LTBP3: variants seen among roughly 807,000 people sequenced by gnomAD.
The protein encoded by LTBP3 is latent transforming growth factor beta binding protein 3.
Under a neutral mutation model 159.7 loss-of-function variants are expected in LTBP3, and 97 were observed. The observed-to-expected ratio is 0.61, with a 90% confidence interval of 0.52 to 0.72. The LOEUF (loss-of-function observed/expected upper bound fraction) is 0.72. Ranked by LOEUF, LTBP3 falls within the 30% of genes least tolerant of loss-of-function variation. The probability of loss-of-function intolerance (pLI) is 0.00; values close to 1 mark genes in which losing one functional copy is unlikely to be tolerated. For synonymous variants in LTBP3, 824 were observed against 777.1 expected (o/e 1.06, Z -1.00); for missense variants, 1,584 against 1,864.3 (o/e 0.85, Z 2.77).
At position 65,547,512 on chromosome 11, in the gene LTBP3, G is replaced by A; in HGVS notation, c.2034C>T (p.Asn678=). Residue 678 remains asparagine, a synonymous_variant, in exon 14 of 28, where the codon AAC becomes AAT. Coordinates refer to ENST00000301873, the MANE Select transcript of LTBP3 (RefSeq NM_001130144.3). The surrounding 1 kb of genome is among the most constrained non-coding windows in gnomAD (Gnocchi z 4.6). ...HLCGDGGFCI[N]FPGHYKCNCY... is the part of the protein sequence containing the mutation. ...AGTTGCACTTGTAGTGACCGGGAAA[G>A]TTGATGCAGAAGCCGCCGTCGCCGC... 1 of 1,614,072 alleles carries A rather than the reference G, an allele frequency of 6.2e-7. No homozygotes were observed. Among genetic ancestry groups the A allele is most frequent in the African/African-American group, 1.3e-5 (1 of 75,038 alleles).
At position 65,539,635 on chromosome 11, in the gene LTBP3, G is replaced by C. The variant is rs1452339065; in HGVS notation, c.3548-7C>G. On this transcript the variant is annotated splice_polypyrimidine_tract_variant and splice_region_variant and intron_variant, in intron 25 of 27. Transcript: ENST00000301873. ...GATGTCGGGCAATGGGACCCTGGGA[G>C]GAGCAGAACTGGTCAGCGACGTCCG... 6.2e-7 allele frequency: 1 copy of C among 1,608,700 alleles called. No individual in the cohort carries two copies.
chr11:65,540,852 G>T lies in LTBP3; in HGVS notation c.2977+19C>A. The T allele has an allele frequency of 1.2e-6, 2 of 1,603,078 alleles. No individual in the cohort carries two copies. Among genetic ancestry groups the T allele is most frequent in the Non-Finnish European group, 8.5e-7 (1 of 1,174,912 alleles). ...CGGGGTGAGAGGGCGCGGGGCGGGC[G>T]GAGCCGCAGGGCGCTTACCACGGTG... On this transcript the variant is annotated intron_variant, in intron 21 of 27. Transcript: ENST00000301873.
chr11:65,553,841 C>T lies in LTBP3; in HGVS notation c.724G>A (p.Val242Met). ...VHHPPEASVQ[V>M]HRIESSNAES... ...GCGTTCGAGCTCTCAATGCGGTGCA[C>T]CTGGACTGAGGCCTCGGGCGGGTGA... The change falls in exon 3 of 28, where the codon GTG becomes ATG. Residue 242 changes from valine to methionine, a missense_variant. Val to Met is a conservative substitution (Grantham distance 21). This residue lies in a region of LTBP3 where 194 missense variants were observed against 198.7 expected (regional missense o/e 0.98). Coordinates refer to ENST00000301873, the MANE Select transcript of LTBP3 (RefSeq NM_001130144.3). The surrounding 1 kb of genome is among the most constrained non-coding windows in gnomAD (Gnocchi z 6.5). 1 of 1,562,222 alleles carries T rather than the reference C, an allele frequency of 6.4e-7. No homozygotes were observed. The highest frequency in any genetic ancestry group is 1.8e-5 in the Admixed American group (1 of 54,232).
In LTBP3 at chr11:65,539,619, C is replaced by T. The variant is rs1402775271; in HGVS notation, c.3557G>A (p.Cys1186Tyr). The part of the protein sequence containing the change: ...PCPPRGAGSH[C>Y]PTSQSESNSF... The stretch of plus-strand genomic sequence containing the variant: ...ATTGCTCTCGCTCTGCGATGTCGGG[C>T]AATGGGACCCTGGGAGGAGCAGAAC... Residue 1186 changes from cysteine to tyrosine, a missense_variant, in exon 26 of 28, where the codon TGC becomes TAC. Around this residue, in one of 6 missense-constraint regions of LTBP3, gnomAD observed 514 missense variants for 530.3 expected, o/e 0.97. Coordinates refer to ENST00000301873, the MANE Select transcript of LTBP3 (RefSeq NM_001130144.3). 6.2e-7 allele frequency: 1 copy of T among 1,610,852 alleles called. No homozygotes were observed. The highest frequency in any genetic ancestry group is 1.3e-5 in the African/African-American group (1 of 74,974).
chr11:65,552,268 C>T lies in LTBP3; in HGVS notation c.1325G>A (p.Arg442His), dbSNP rs959220350. 1.2e-6 allele frequency: 2 copies of T among 1,614,122 alleles called. No homozygotes were observed. The highest frequency in any genetic ancestry group is 1.7e-6 in the Non-Finnish European group (2 of 1,180,014). ...VGKAWGARCQRCPTDGTAAFK... is the reference protein window; with the variant it reads ...VGKAWGARCQHCPTDGTAAFK... Reference sequence around the variant, plus strand: ...CTCACCGGTGCCATCTGTTGGGCAGCGCTGACACCGCGCGCCCCAGGCCTT... The same window carrying T: ...CTCACCGGTGCCATCTGTTGGGCAGTGCTGACACCGCGCGCCCCAGGCCTT... Residue 442 changes from arginine (R) to histidine (H), a missense_variant, in exon 7 of 28, where the codon CGC becomes CAC. Physicochemically the swap from Arg to His is conservative, Grantham distance 29 (BLOSUM62 0). Transcript: ENST00000301873. The surrounding 1 kb of genome is among the most constrained non-coding windows in gnomAD (Gnocchi z 6.0).
Position 65,540,324 on chromosome 11 carries a change from G to C in LTBP3, c.3165C>G (p.Arg1055=), listed in dbSNP as rs1202004426. 5 of 1,575,870 alleles carry C rather than the reference G, an allele frequency of 3.2e-6. No individual in the cohort carries two copies. Among genetic ancestry groups the C allele is most frequent in the Admixed American group, 1.9e-5 (1 of 52,528 alleles). The part of the protein sequence containing the change: ...NCRNGVCENT[R]GGYRCACTPP... ...GCGTGCAGGCACAGCGGTAGCCGCCGCGCGTGTTCTCACACACTCCGTTCC... is the reference window on the plus strand; with the variant it reads ...GCGTGCAGGCACAGCGGTAGCCGCCCCGCGTGTTCTCACACACTCCGTTCC... The change falls in exon 23 of 28, where the codon CGC becomes CGG. Residue 1055 remains arginine (R), a synonymous_variant. Transcript: ENST00000301873.
In LTBP3 at chr11:65,557,717, C is replaced by T; in HGVS notation, c.243G>A (p.Arg81=). Residue 81 remains arginine, a synonymous_variant, in exon 1 of 28, where the codon CGG becomes CGA. Transcript: ENST00000301873. ...CKRTCLKGQC[R]DSCQQGSNMT... is the part of the protein sequence containing the mutation. ...TGTTGGAGCCCTGCTGACAACTGTC[C>T]CGACACTGGCCCTTGAGACAGGTCC... 1 of 1,609,440 alleles carries T rather than the reference C, an allele frequency of 6.2e-7. No individual in the cohort carries two copies. The highest frequency in any genetic ancestry group is 8.5e-7 in the Non-Finnish European group (1 of 1,179,874).
chr11:65,546,726 C>CCCCCCCCACCGG lies in LTBP3; in HGVS notation c.2230+71_2230+72insCCGGTGGGGGGG. The CCCCCCCCACCGG allele has an allele frequency of 1.3e-6, 2 of 1,520,488 alleles. No individual in the cohort carries two copies. Among genetic ancestry groups the CCCCCCCCACCGG allele is most frequent in the Non-Finnish European group, 1.8e-6 (2 of 1,126,558 alleles). The allele number at this position is 1,520,488 out of a possible 1,614,324, so 94.2% of individuals were successfully genotyped here. The stretch of plus-strand genomic sequence containing the variant: ...GCCAATCACCACCGCTACCCCGCCC[C>CCCCCCCCACCGG]GCCCCCAGCGGAGCCAGACTGGGGG... On this transcript the variant is annotated intron_variant, in intron 15 of 27. Coordinates refer to ENST00000301873, the MANE Select transcript of LTBP3 (RefSeq NM_001130144.3). The surrounding 1 kb of genome is among the most constrained non-coding windows in gnomAD (Gnocchi z 4.0).
In LTBP3 at chr11:65,538,902, C is replaced by T. The variant is rs905143765; in HGVS notation, c.*178G>A. 4 of 1,222,420 alleles carry T rather than the reference C, an allele frequency of 3.3e-6. No homozygotes were observed. Among genetic ancestry groups the T allele is most frequent in the African/African-American group, 3.2e-5 (2 of 62,636 alleles). 75.7% of individuals were successfully genotyped at this position (1,222,420 alleles called of 1,614,324 possible). A position where few individuals can be genotyped will look rare whatever the true frequency, so the allele number is the denominator to read the frequency against. On this transcript the variant is annotated 3_prime_UTR_variant, in exon 28 of 28. Transcript: ENST00000301873. ...CAGCGCCCGCCGGAGACCTTACAAC[C>T]GCCCGCTAACCGGGGAGGGGGGCCG...
At position 65,546,825 on chromosome 11, in the gene LTBP3, G is replaced by C. The variant is rs1262642765; in HGVS notation, c.2203C>G (p.Arg735Gly). 3 of 1,608,062 alleles carry C rather than the reference G, an allele frequency of 1.9e-6. No individual in the cohort carries two copies. Among genetic ancestry groups the C allele is most frequent in the Non-Finnish European group, 2.5e-6 (3 of 1,179,690 alleles). The change falls in exon 15 of 28, where the codon CGC (arginine) becomes GGC (glycine). Residue 735 changes from arginine (R) to glycine (G), a missense_variant. By Grantham distance (125) the Arg-to-Gly change is moderately radical. Transcript: ENST00000301873. This position sits in a 1 kb window ranked among gnomAD's most constrained non-coding sequence, Gnocchi z 4.0. Reference sequence around the variant, plus strand: ...CGACAGGCCCCGCCCCCCTGGCTGCGGTAGCCAGGCTGACAGGCGATGCAC... The same window carrying C: ...CGACAGGCCCCGCCCCCCTGGCTGCCGTAGCCAGGCTGACAGGCGATGCAC... ...FKCIACQPGY[R>G]SQGGGACRDV...
chr11:65,540,713 C>CTACAGGAGGGGCGGGGCA, intron 21 of LTBP3, 99 bp from the exon 22 acceptor site: 1 of 1,555,764 alleles, frequency 6.4e-7, no homozygotes, highest in Non-Finnish European at 8.8e-7. Context: ...CGGGCGGGGC[C>CTACAGGAGGGGCGGGGCA]TACAGGAGGG....
rs1360607532 is a variant in LTBP3, at chr11:65,539,473, A to G, written c.3629-14T>C. On this transcript the variant is annotated splice_polypyrimidine_tract_variant and intron_variant, in intron 26 of 27. Transcript: ENST00000301873. ...AACTGTCCTCATCTGCGTGGCCCGG[A>G]ACAATATGGACTTCAACACTGAGCC... is the stretch of plus-strand genomic sequence containing the variant. 6.3e-7 allele frequency: 1 copy of G among 1,578,298 alleles called. No individual in the cohort carries two copies. Among genetic ancestry groups the G allele is most frequent in the African/African-American group, 1.4e-5 (1 of 73,824 alleles).
Position 65,553,922 on chromosome 11 carries a change from G to A in LTBP3, c.662-19C>T. ...GCCTGCACTGGGGGCGGGCGCGGTG[G>A]CCTCAGGGCTGCCCGCACCGCGCCG... On this transcript the variant is annotated intron_variant, in intron 2 of 27. Transcript: ENST00000301873. The surrounding 1 kb of genome is among the most constrained non-coding windows in gnomAD (Gnocchi z 6.5). 1.3e-6 allele frequency: 2 copies of A among 1,514,090 alleles called. No homozygotes were observed. Among genetic ancestry groups the A allele is most frequent in the South Asian group, 1.2e-5 (1 of 82,940 alleles). The allele number at this position is 1,514,090 out of a possible 1,614,324, so 93.8% of individuals were successfully genotyped here.
At chr11:65,550,885 A>C (rs1856580535) in intron 11 of LTBP3, among the ~76,000 whole-genome samples, 3 of 152,200 alleles carry the variant, frequency 2.0e-5, no homozygotes. Context: ...ATTCTAAAAG[A>C]CCTGTAACAC....
rs1252981675 is a variant in LTBP3, at chr11:65,546,887, G to A, written c.2141C>T (p.Pro714Leu). 1.2e-6 allele frequency: 2 copies of A among 1,612,436 alleles called. No homozygotes were observed. Among genetic ancestry groups the A allele is most frequent in the South Asian group, 2.2e-5 (2 of 91,094 alleles). Residue 714 changes from proline to leucine, a missense_variant, in exon 15 of 28, where the codon CCG becomes CTG. By Grantham distance (98) the Pro-to-Leu change is moderately conservative (BLOSUM62 -3). Coordinates refer to ENST00000301873, the MANE Select transcript of LTBP3 (RefSeq NM_001130144.3). This position sits in a 1 kb window ranked among gnomAD's most constrained non-coding sequence, Gnocchi z 4.0. ...IDECRDPSSC[P>L]DGKCENKPGS... Reference sequence around the variant, plus strand: ...GGGCTTGTTCTCGCATTTGCCATCCGGGCAAGAGCTTGGGTCCCGGCACTC... The same window carrying A: ...GGGCTTGTTCTCGCATTTGCCATCCAGGCAAGAGCTTGGGTCCCGGCACTC...
intron 21 of LTBP3, 121 bp from the exon 22 acceptor site, chr11:65,540,735 A>AGGAGGGGCGGGGCCTACT: frequency 2.7e-6 from 4 of 1,474,354 alleles, no homozygotes; most frequent in African/African-American, 1.5e-5. Context: ...CGGGGCCTAC[A>AGGAGGGGCGGGGCCTACT]GGGCGGGGCC....
chr11:65,547,874 G>T lies in LTBP3; in HGVS notation c.1846+46C>A, dbSNP rs1554974247. 1.2e-6 allele frequency: 2 copies of T among 1,613,146 alleles called. No individual in the cohort carries two copies. The highest frequency in any genetic ancestry group is 2.2e-5 in the South Asian group (2 of 91,080). ...GTCAAAGGAAGCGTCGTTATCTGGG[G>T]TCCCCCCCCACCCACCTGCATGCCC... On this transcript the variant is annotated intron_variant, in intron 12 of 27. Transcript: ENST00000301873. The surrounding 1 kb of genome is among the most constrained non-coding windows in gnomAD (Gnocchi z 4.6).
chr11:65,552,938 A>C lies in LTBP3; in HGVS notation c.1108T>G (p.Cys370Gly), dbSNP rs1212641706. The change falls in exon 6 of 28, where the codon TGC becomes GGC. Residue 370 changes from cysteine (C) to glycine (G), a missense_variant. Cys to Gly is a radical substitution (Grantham distance 159). Transcript: ENST00000301873. This position sits in a 1 kb window ranked among gnomAD's most constrained non-coding sequence, Gnocchi z 6.0. ...AMPGVCRHGD[C>G]LNNPGSYRCV... ...CGATAGGAGCCAGGGTTGTTGAGGC[A>C]GTCACCATGGCGACACACGCCCGGC... 1 of 1,614,222 alleles carries C rather than the reference A, an allele frequency of 6.2e-7. No homozygotes were observed. Among genetic ancestry groups the C allele is most frequent in the Admixed American group, 1.7e-5 (1 of 60,022 alleles).
In LTBP3 at chr11:65,552,875, G is replaced by T; in HGVS notation, c.1171C>A (p.Arg391Ser). 1 of 1,614,164 alleles carries T rather than the reference G, an allele frequency of 6.2e-7. No individual in the cohort carries two copies. Among genetic ancestry groups the T allele is most frequent in the Non-Finnish European group, 8.5e-7 (1 of 1,180,034 alleles). ...CPPGHSLGPS[R>S]TQCIADKPEE... ...CAGGTCTCACCAATGCACTGTGTAC[G>T]GGAGGGGCCTAAACTATGGCCAGGT... The change falls in exon 6 of 28, where the codon CGT becomes AGT. Residue 391 changes from arginine to serine, a missense_variant. Arg to Ser is a moderately radical substitution (Grantham distance 110). Around this residue, in one of 6 missense-constraint regions of LTBP3, gnomAD observed 156 missense variants for 259.7 expected, o/e 0.60. Transcript: ENST00000301873. This position sits in a 1 kb window ranked among gnomAD's most constrained non-coding sequence, Gnocchi z 6.0.
Sources: gnomAD v4.1 joint callset for allele counts (sites outside exome capture counted in the v4.1 genomes callset) on GRCh38, gnomAD v4.1.1 for gene constraint, gnomAD v4.1.1 regional missense constraint, Gnocchi (gnomAD v3.1) non-coding constraint, MANE v1.5 for transcripts, NCBI Gene and HGNC (gene_info 2026-07-23, HGNC 2026-07-21) for gene names.